The following PICK1 variants were observed in gnomAD, a reference collection of about 807,000 sequenced individuals.
PICK1 encodes PRKCA-binding protein.
A neutral mutation model predicts 48.9 loss-of-function variants in PICK1; 23 were observed. The ratio of observed to expected loss-of-function variants is 0.47; its 90% CI spans 0.34 to 0.67. PICK1 has a LOEUF of 0.67. Ranked by LOEUF, PICK1 falls within the 30% of genes least tolerant of loss-of-function variation. The probability of loss-of-function intolerance (pLI) is 0.01; values close to 1 mark genes in which losing one functional copy is unlikely to be tolerated. For synonymous variants in PICK1, 217 were observed against 228.2 expected (o/e 0.95, Z 0.44); for missense variants, 423 against 557.1 (o/e 0.76, Z 2.42).
chr22:38,063,830 A>G (rs1386270954), intron 3 of PICK1, among the ~76,000 whole-genome samples: 1 of 151,648 alleles, frequency 6.6e-6, no homozygotes, highest in African/African-American at 2.4e-5. Context: ...TTTTGTAGAG[A>G]CAAGGTTTTG....
rs185413229 is a variant in PICK1 at position 38,065,070 on chromosome 22, T to C, written c.222T>C (p.Asn74=). 6.2e-6 allele frequency: 10 copies of C among 1,614,010 alleles called. No homozygotes were observed. In the Admixed American group the frequency reaches 6.7e-5, roughly 11 times the overall value. Residue 74 remains asparagine (N), a synonymous_variant, in exon 4 of 13, where the codon AAT becomes AAC. Transcript: ENST00000356976. ...CTGGCGATGAGATCACCGGTGTCAA[T>C]GGCAGGTCAATCAAAGGGAAAACTA... is the stretch of plus-strand genomic sequence containing the variant. ...VAAGDEITGV[N]GRSIKGKTKV...
intron 6 of PICK1, 117 bp downstream of exon 6, chr22:38,069,239 T>C (rs1207903017): frequency 2.7e-6 from 2 of 741,260 alleles, no homozygotes; most frequent in Non-Finnish European, 4.7e-6. Flanking sequence ...GACCCTGGCC[T>C]CTGCCCGTGG....
chr22:38,075,023 A>G lies in PICK1; in HGVS notation c.1139A>G (p.Asp380Gly), dbSNP rs1434064454. 6 of 1,613,470 alleles carry G rather than the reference A, an allele frequency of 3.7e-6. No homozygotes were observed. In the South Asian group the frequency reaches 6.6e-5, roughly 18 times the overall value. Residue 380 changes from aspartate to glycine, a missense_variant, in exon 13 of 13, where the codon GAT becomes GGT. Asp to Gly is a moderately conservative substitution (Grantham distance 94). Coordinates refer to ENST00000356976, the MANE Select transcript of PICK1 (RefSeq NM_012407.4). ...GGCCTCAACCAGGAGGAGTTCACAG[A>G]TGGGGAGGAGGAGGAGGAGGAGGAA... ...AYGLNQEEFT[D>G]GEEEEEEEDT... is the part of the protein sequence containing the mutation.
rs1466794887 is a variant in PICK1 at position 38,070,898 on chromosome 22, G to T, written c.493+7G>T. 1 of 1,610,632 alleles carries T rather than the reference G, an allele frequency of 6.2e-7. No homozygotes were observed. On this transcript the variant is annotated splice_region_variant and intron_variant, in intron 7 of 12. Transcript: ENST00000356976. ...ACCGCTGAGCTATACAAAGGTGGGT[G>T]GGGGGTGGCCTCGTCCTGGCACTAG...
rs139697717 is a variant in PICK1 at position 38,071,659 on chromosome 22, G to T, written c.494-23G>T. On this transcript the variant is annotated intron_variant, in intron 7 of 12. Coordinates refer to ENST00000356976, the MANE Select transcript of PICK1 (RefSeq NM_012407.4). Reference sequence around the variant, plus strand: ...GGTCCCCGCCATGCGTCCCCATTCCGCATCACTCGGTCTCTCCCACAGGGA... The same window carrying T: ...GGTCCCCGCCATGCGTCCCCATTCCTCATCACTCGGTCTCTCCCACAGGGA... 3,799 of 1,609,984 alleles carry T rather than the reference G, an allele frequency of 2.4e-3. 7 individuals carry two copies. Among genetic ancestry groups the T allele is most frequent in the Admixed American group, 3.3e-3 (199 of 60,020 alleles).
intron 6 of PICK1, 50 bp from the exon 7 acceptor site, chr22:38,070,788 C>G (rs1569202136): frequency 6.4e-7 from 1 of 1,556,162 alleles, no homozygotes. Context: ...CCTGGGCCTC[C>G]TGTGGCTTGC....
At chr22:38,071,893 C>A in intron 8 of PICK1, 149 bp downstream of exon 8, 1 of 724,378 alleles carries the variant, frequency 1.4e-6, no homozygotes, top group Non-Finnish European at 2.5e-6. Flanking sequence ...TGCGATGGGC[C>A]TGCGGGGAAC....
intron 3 of PICK1, among the ~76,000 whole-genome samples, chr22:38,061,475 T>C (rs1323199582): frequency 6.6e-6 from 1 of 152,182 alleles, no homozygotes; most frequent in East Asian, 1.9e-4. Context: ...AGCAATCCAC[T>C]GCCCTTCCCC....
At chr22:38,060,393 G>C (rs1369340840) in intron 3 of PICK1, among the ~76,000 whole-genome samples, 2 of 152,208 alleles carry the variant, frequency 1.3e-5, no homozygotes, top group African/African-American at 4.8e-5. Flanking sequence ...GGCCTGCTGT[G>C]GGGCCTCCTT....
rs2145853869 is a variant in PICK1, at chr22:38,058,213, G to A, written c.41+363G>A. On this transcript the variant is annotated intron_variant, in intron 2 of 12. Coordinates refer to ENST00000356976, the MANE Select transcript of PICK1 (RefSeq NM_012407.4). Reference sequence around the variant, plus strand: ...GTAGACACCCTTCCTTCCCAACATAGGTTGTTAGTAGGACAGATTTTCCCA... The same window carrying A: ...GTAGACACCCTTCCTTCCCAACATAAGTTGTTAGTAGGACAGATTTTCCCA... The A allele has an allele frequency of 9.1e-6, 3 of 329,082 alleles. No homozygotes were observed. In the Middle Eastern group the frequency reaches 3.1e-3, roughly 344 times the overall value. The allele number at this position is 329,082 out of a possible 1,614,324, so 20.4% of individuals were successfully genotyped here. A position where few individuals can be genotyped will look rare whatever the true frequency, so the allele number is the denominator to read the frequency against.
chr22:38,064,629 C>T lies in PICK1; in HGVS notation c.154-373C>T, dbSNP rs1461352648. Among the ~76,000 whole-genome samples the T allele has an allele frequency of 5.3e-5, 8 of 152,188 alleles. No individual in the cohort carries two copies. The South Asian group carries it at 6.2e-4, about 12-fold the overall frequency. ...ATACGAAATTAGCCGGGCGTGGTAG[C>T]GCATGCCTGTAACCCCAGCTACTCG... On this transcript the variant is annotated intron_variant, in intron 3 of 12. Coordinates refer to ENST00000356976, the MANE Select transcript of PICK1 (RefSeq NM_012407.4).
At chr22:38,072,108 T>G in intron 8 of PICK1, 1 of 488,360 alleles carries the variant, frequency 2.0e-6, no homozygotes, top group Non-Finnish European at 3.8e-6. Context: ...TCCCAAGTGG[T>G]GGAGCTGTTG....
Position 38,073,265 on chromosome 22 carries a change from C to T in PICK1, c.783+173C>T, listed in dbSNP as rs2085747473. On this transcript the variant is annotated intron_variant, in intron 10 of 12. Transcript: ENST00000356976. The surrounding 1 kb of genome is among the most constrained non-coding windows in gnomAD (Gnocchi z 5.7). ...CAGCCAAAGCCCTGCTGCGCCTGCA[C>T]AAAGAAGCATCTGAGAGCCTGGGGC... Among the ~76,000 whole-genome samples, 1 of 152,248 alleles carries T rather than the reference C, an allele frequency of 6.6e-6. No individual in the cohort carries two copies. The highest frequency in any genetic ancestry group is 2.4e-5 in the African/African-American group (1 of 41,462).
At chr22:38,058,979 C>A (rs1569194372) in intron 2 of PICK1, among the ~76,000 whole-genome samples, 1 of 152,168 alleles carries the variant, frequency 6.6e-6, no homozygotes, top group Non-Finnish European at 1.5e-5. Flanking sequence ...TGCACTCTAG[C>A]CTGGGCAACA....
chr22:38,074,270 T>A lies in PICK1; in HGVS notation c.835-37T>A. 6.2e-7 allele frequency: 1 copy of A among 1,611,106 alleles called. No homozygotes were observed. Among genetic ancestry groups the A allele is most frequent in the East Asian group, 2.2e-5 (1 of 44,836 alleles). On this transcript the variant is annotated intron_variant, in intron 11 of 12. Coordinates refer to ENST00000356976, the MANE Select transcript of PICK1 (RefSeq NM_012407.4). This position sits in a 1 kb window ranked among gnomAD's most constrained non-coding sequence, Gnocchi z 4.5. ...GAAAGCACAGTGCGGTGCGAGGCCG[T>A]CCCTGAGCAGGCACTCCTGTCCCAC...
At chr22:38,071,259 G>A (rs1355529590) in intron 7 of PICK1, among the ~76,000 whole-genome samples, 4 of 152,110 alleles carry the variant, frequency 2.6e-5, no homozygotes, top group Non-Finnish European at 4.4e-5. Context: ...CATGAGAATC[G>A]CTTGAACCAG....
chr22:38,075,579 C>A lies in PICK1; in HGVS notation c.*447C>A. ...GCACCCTTGCCTCGCCCCAGACCGG[C>A]CCGTCCAGTCCCCATCACACCTCGG... On this transcript the variant is annotated 3_prime_UTR_variant, in exon 13 of 13. Transcript: ENST00000356976. 5.8e-6 allele frequency: 1 copy of A among 171,854 alleles called. No individual in the cohort carries two copies. Among genetic ancestry groups the A allele is most frequent in the Non-Finnish European group, 1.3e-5 (1 of 79,370 alleles). The allele number at this position is 171,854 out of a possible 1,614,324, so 10.6% of individuals were successfully genotyped here.
intron 9 of PICK1, among the ~76,000 whole-genome samples, 180 bp downstream of exon 9, chr22:38,072,790 G>C (rs2145882203): frequency 6.6e-6 from 1 of 152,216 alleles, no homozygotes; most frequent in Non-Finnish European, 1.5e-5. Context: ...TGACCTCTGG[G>C]CTGGCTTCTG....
chr22:38,061,367 T>TCAC (rs199596246), intron 3 of PICK1, among the ~76,000 whole-genome samples: 1,933 of 152,176 alleles, frequency 0.013, 43 homozygotes, highest in African/African-American at 0.045. Context: ...ATCATCATCA[T>TCAC]AGAATTGATT....
Sources: allele counts gnomAD v4.1 joint callset (sites outside exome capture counted in the v4.1 genomes callset), GRCh38; gene constraint gnomAD v4.1.1; non-coding constraint Gnocchi (gnomAD v3.1); transcripts MANE v1.5; gene names NCBI Gene and HGNC (gene_info 2026-07-23, HGNC 2026-07-21).